Variants in TLN2 observed in about 807,000 individuals in gnomAD.
TLN2 encodes the protein talin 2.
A neutral mutation model predicts 294.7 loss-of-function variants in TLN2; 118 were observed. The observed-to-expected ratio is 0.40, with a 90% confidence interval of 0.34 to 0.47. TLN2 has a LOEUF of 0.47. TLN2 is among the 20% of genes least tolerant of loss of function. TLN2 has a pLI of 0.84. For missense variants in TLN2, 3,083 were observed against 3,282.2 expected (o/e 0.94, Z 1.48); for synonymous variants, 1,431 against 1,304.5 (o/e 1.10, Z -2.09).
chr15:62,474,502 T>A (rs2037676253), intron 1 of TLN2, among the ~76,000 whole-genome samples: 1 of 151,976 alleles, frequency 6.6e-6, no homozygotes, highest in Non-Finnish European at 1.5e-5. Flanking sequence ...ATTAGCCAGG[T>A]GTGGCAGTGC....
At chr15:62,404,497 G>A (rs1051836637) in intron 1 of TLN2, among the ~76,000 whole-genome samples, 1 of 152,116 alleles carries the variant, frequency 6.6e-6, no homozygotes, top group East Asian at 1.9e-4. Context: ...AGTTCAGTGG[G>A]CCCTCTCTGC....
chr15:62,468,179 G>A (rs1206004562), intron 1 of TLN2, among the ~76,000 whole-genome samples: 1 of 151,614 alleles, frequency 6.6e-6, no homozygotes, highest in African/African-American at 2.4e-5. Flanking sequence ...TTTTGGAGCA[G>A]GCCTCATTTT....
rs529334924 is a variant in TLN2, at chr15:62,736,706, GAT to G, written c.3359-169_3359-168del. ...TCTTGGTTTGGCCCAGAGCCAGGGG[GAT>G]ATGTTTCTGAAGCCAGCTACTTCTT... is the stretch of plus-strand genomic sequence containing the variant. On this transcript the variant is annotated intron_variant, in intron 28 of 58. Transcript: ENST00000636159. 1.7e-4 allele frequency among the ~76,000 whole-genome samples: 26 copies of G among 152,264 alleles called. No homozygotes were observed. In the South Asian group the frequency reaches 3.9e-3, roughly 23 times the overall value.
chr15:62,621,094 C>T (rs185339821), intron 3 of TLN2, among the ~76,000 whole-genome samples: 5,268 of 152,184 alleles, frequency 0.035, 109 homozygotes, highest in Non-Finnish European at 0.049. Flanking sequence ...CCACCTCGGC[C>T]TCCCAAAGTG....
chr15:62,737,779 G>C (rs1010294335), intron 29 of TLN2, among the ~76,000 whole-genome samples: 1 of 152,210 alleles, frequency 6.6e-6, no homozygotes. Context: ...TTAACCACAG[G>C]CCTTCTAATT....
intron 43 of TLN2, among the ~76,000 whole-genome samples, chr15:62,778,691 T>C (rs375126948): frequency 1.9e-4 from 29 of 152,226 alleles, no homozygotes; most frequent in African/African-American, 7.0e-4. Context: ...TTTGATTCTT[T>C]TGGATGGGCT....
chr15:62,699,166 C>G (rs1054075811), intron 16 of TLN2, among the ~76,000 whole-genome samples: 1 of 152,172 alleles, frequency 6.6e-6, no homozygotes, highest in African/African-American at 2.4e-5. Context: ...TACTTGCCTT[C>G]TCAATTCCTC....
intron 1 of TLN2, among the ~76,000 whole-genome samples, chr15:62,546,754 G>A (rs952198438): frequency 1.3e-5 from 2 of 152,132 alleles, no homozygotes; most frequent in African/African-American, 4.8e-5. Context: ...AGCAAGGGGA[G>A]CTTTGAGATC....
rs770316214 is a variant in TLN2 at position 62,600,540 on chromosome 15, A to G, written c.-162+10778A>G. On this transcript the variant is annotated intron_variant, in intron 2 of 58. Coordinates refer to ENST00000636159, the MANE Select transcript of TLN2 (RefSeq NM_015059.3). ...GCATCAAGACAGGATCCCAAGAGGC[A>G]CTGACAAGCCCAGGGCACTATAAAT... Among the ~76,000 whole-genome samples, 6 of 152,184 alleles carry G rather than the reference A, an allele frequency of 3.9e-5. No individual in the cohort carries two copies. The East Asian group carries it at 1.2e-3, about 29-fold the overall frequency.
chr15:62,802,096 C>T (rs2065964999), intron 50 of TLN2, among the ~76,000 whole-genome samples: 2 of 152,072 alleles, frequency 1.3e-5, no homozygotes, highest in Admixed American at 6.6e-5. Context: ...CCCACTTCCC[C>T]ACCCCGACCT....
rs373344112 is a variant in TLN2 at position 62,781,197 on chromosome 15, G to A, written c.5572G>A (p.Val1858Met). 1.9e-6 allele frequency: 3 copies of A among 1,614,056 alleles called. No individual in the cohort carries two copies. The highest frequency in any genetic ancestry group is 2.7e-5 in the African/African-American group (2 of 74,924). Residue 1858 changes from valine (V) to methionine (M), a missense_variant, in exon 44 of 59, where the codon GTG (valine) becomes ATG (methionine). Coordinates refer to ENST00000636159, the MANE Select transcript of TLN2 (RefSeq NM_015059.3). The part of the protein sequence containing the change: ...KGTFVDYQTT[V>M]VKYSKAIAVT... ...AACATTTGTCGACTATCAGACGACT[G>A]TGGTTAAATACTCCAAAGCCATTGC...
rs553652809 is a variant in TLN2 at position 62,708,577 on chromosome 15, G to A, written c.2248G>A (p.Val750Met). ...AGCAGGGAAGCTGGTGGACCGCTCG[G>A]TGGAGAACTGTGTCCGTGCCTGCCA... is the stretch of plus-strand genomic sequence containing the variant. ...IEAGKLVDRS[V>M]ENCVRACQAA... The change falls in exon 21 of 59, where the codon GTG (valine) becomes ATG (methionine). Residue 750 changes from valine to methionine, a missense_variant. Physicochemically the swap from Val to Met is conservative, Grantham distance 21. Transcript: ENST00000636159. 1 of 1,614,226 alleles carries A rather than the reference G, an allele frequency of 6.2e-7. No homozygotes were observed. The highest frequency in any genetic ancestry group is 1.1e-5 in the South Asian group (1 of 91,088).
At chr15:62,790,137 AAC>A (rs1474770669) in intron 45 of TLN2, among the ~76,000 whole-genome samples, 1 of 152,244 alleles carries the variant, frequency 6.6e-6, no homozygotes, top group Non-Finnish European at 1.5e-5. Context: ...ACCAAAGCAA[AAC>A]ACAGAAATAA....
chr15:62,720,648 G>GGTGTGTGTGTGTGT (rs5813167), intron 25 of TLN2, among the ~76,000 whole-genome samples: 19 of 149,098 alleles, frequency 1.3e-4, no homozygotes, highest in African/African-American at 2.2e-4. Context: ...ATACAACACA[G>GGTGTGTGTGTGTGT]GTGTGTGTGT....
intron 1 of TLN2, among the ~76,000 whole-genome samples, chr15:62,577,802 T>C (rs1265408479): frequency 6.6e-6 from 1 of 152,178 alleles, no homozygotes; most frequent in Non-Finnish European, 1.5e-5. Flanking sequence ...CATCAACTCG[T>C]CATTTACATT....
At chr15:62,639,882 C>T (rs1202091995) in intron 3 of TLN2, among the ~76,000 whole-genome samples, 1 of 152,194 alleles carries the variant, frequency 6.6e-6, no homozygotes, top group Non-Finnish European at 1.5e-5. Flanking sequence ...ACGATGAGAT[C>T]AAATGGGATG....
chr15:62,738,049 G>C (rs1198253599), intron 29 of TLN2, among the ~76,000 whole-genome samples, 165 bp from the exon 30 acceptor site: 1 of 152,178 alleles, frequency 6.6e-6, no homozygotes, highest in Non-Finnish European at 1.5e-5. Flanking sequence ...ACATCTCTGG[G>C]ACAAGGGGCC....
At chr15:62,689,267 C>A (rs2057570630) in intron 12 of TLN2, among the ~76,000 whole-genome samples, 1 of 152,000 alleles carries the variant, frequency 6.6e-6, no homozygotes, top group Admixed American at 6.6e-5. Flanking sequence ...ACCTTACTTC[C>A]ATTTAGGTCT....
At position 62,594,048 on chromosome 15, in the gene TLN2, A is replaced by G. The variant is rs570547575; in HGVS notation, c.-162+4286A>G. 2.0e-5 allele frequency among the ~76,000 whole-genome samples: 3 copies of G among 152,352 alleles called. No homozygotes were observed. The South Asian group carries it at 6.2e-4, about 32-fold the overall frequency. ...AAAGCAATCTAGAGCAAAAAGAACA[A>G]AGCTGGAGGCATTATACTACCTTAC... On this transcript the variant is annotated intron_variant, in intron 2 of 58. Coordinates refer to ENST00000636159, the MANE Select transcript of TLN2 (RefSeq NM_015059.3).
Sources: allele counts gnomAD v4.1 joint callset (sites outside exome capture counted in the v4.1 genomes callset), GRCh38; gene constraint gnomAD v4.1.1; transcripts MANE v1.5; gene names NCBI Gene and HGNC (gene_info 2026-07-23, HGNC 2026-07-21).